KREMEN1: variants seen among roughly 807,000 people sequenced by gnomAD.
KREMEN1 encodes kremen protein 1.
Under a neutral mutation model 46.5 loss-of-function variants are expected in KREMEN1, and 30 were observed. That is an observed-to-expected ratio of 0.65 (90% CI 0.48 to 0.88). The LOEUF is 0.88. Ranked by LOEUF, KREMEN1 falls within the 40% of genes least tolerant of loss-of-function variation. The pLI, the probability that KREMEN1 is intolerant of heterozygous loss-of-function variation, is 0.00. For missense variants in KREMEN1, 533 were observed against 596.9 expected (o/e 0.89, Z 1.11); for synonymous variants, 214 against 230.6 (o/e 0.93, Z 0.65).
chr22:29,094,920 G>A (rs1318657599), intron 2 of KREMEN1, among the ~76,000 whole-genome samples: 1 of 152,056 alleles, frequency 6.6e-6, no homozygotes, highest in East Asian at 1.9e-4. Context: ...CACCGCGCCC[G>A]GCCAATTTAC....
chr22:29,126,133 C>G (rs2038438366), intron 5 of KREMEN1, among the ~76,000 whole-genome samples: 3 of 148,584 alleles, frequency 2.0e-5, no homozygotes, highest in Admixed American at 2.0e-4. Flanking sequence ...AAAAAAGGCT[C>G]GAGATTACCA....
chr22:29,125,317 T>A lies in KREMEN1; in HGVS notation c.532T>A (p.Trp178Arg). 1 of 1,614,180 alleles carries A rather than the reference T, an allele frequency of 6.2e-7. No homozygotes were observed. Among genetic ancestry groups the A allele is most frequent in the African/African-American group, 1.3e-5 (1 of 75,026 alleles). ...ACFCGNNPDY[W>R]KYGEAASTEC... is the part of the protein sequence containing the mutation. ...CTTCTGTGGAAACAATCCTGATTAC[T>A]GGAAGTACGGGGAGGCAGCCAGTAC... Residue 178 changes from tryptophan to arginine, a missense_variant, in exon 5 of 9, where the codon TGG becomes AGG. Physicochemically the swap from Trp to Arg is moderately radical, Grantham distance 101. Transcript: ENST00000400335.
At chr22:29,158,432 C>G (rs35183787) in intron 9 of KREMEN1, among the ~76,000 whole-genome samples, 2,306 of 152,150 alleles carry the variant, frequency 0.015, 37 homozygotes, top group Non-Finnish European at 0.021. Flanking sequence ...AGCGGAGAGG[C>G]GCCGACATGG....
At chr22:29,084,129 G>T (rs546077926) in intron 1 of KREMEN1, among the ~76,000 whole-genome samples, 8 of 150,040 alleles carry the variant, frequency 5.3e-5, no homozygotes, top group Non-Finnish European at 1.5e-5. Context: ...GTGCTTGTAG[G>T]AGTGTCTTTT....
chr22:29,117,385 G>A (rs1042844451), intron 3 of KREMEN1, among the ~76,000 whole-genome samples: 1 of 152,162 alleles, frequency 6.6e-6, no homozygotes, highest in African/African-American at 2.4e-5. Flanking sequence ...GGCTAACATG[G>A]TGAAACCCTG....
intron 3 of KREMEN1, among the ~76,000 whole-genome samples, chr22:29,117,548 C>A (rs889006900): frequency 6.8e-6 from 1 of 146,840 alleles, no homozygotes; most frequent in East Asian, 2.1e-4. Context: ...GCCTGGGCAA[C>A]AGAGCAAGAC....
At chr22:29,126,195 C>T (rs772905201) in intron 5 of KREMEN1, among the ~76,000 whole-genome samples, 4 of 151,546 alleles carry the variant, frequency 2.6e-5, no homozygotes, top group Admixed American at 1.3e-4. Flanking sequence ...AGAGGAGGTG[C>T]GCTACTGGCA....
intron 8 of KREMEN1, among the ~76,000 whole-genome samples, chr22:29,141,160 C>A (rs1475332999): frequency 6.6e-6 from 1 of 152,110 alleles, no homozygotes; most frequent in Non-Finnish European, 1.5e-5. Context: ...CCTTTGGCCA[C>A]ATTGGAACCC....
intron 9 of KREMEN1, among the ~76,000 whole-genome samples, chr22:29,159,585 C>T (rs1273256377): frequency 6.6e-6 from 1 of 152,094 alleles, no homozygotes. Context: ...CGTCACTGCA[C>T]TCCAGCCTGG....
chr22:29,117,444 A>G (rs1038414597), intron 3 of KREMEN1, among the ~76,000 whole-genome samples: 2 of 151,900 alleles, frequency 1.3e-5, no homozygotes, highest in Non-Finnish European at 2.9e-5. Context: ...GCGGGCGCCT[A>G]TAGTCCCAGC....
intron 1 of KREMEN1, among the ~76,000 whole-genome samples, chr22:29,081,887 C>T (rs996254271): frequency 2.6e-5 from 4 of 152,180 alleles, no homozygotes; most frequent in Non-Finnish European, 4.4e-5. Flanking sequence ...ATATGGTCTA[C>T]CTGGTATCAG....
In KREMEN1 at chr22:29,119,384, A is replaced by G. The variant is rs149909815; in HGVS notation, c.353-1973A>G. Among the ~76,000 whole-genome samples the G allele has an allele frequency of 1.7e-3, 253 of 152,300 alleles. 2 individuals carry two copies. Among genetic ancestry groups the G allele is most frequent in the Admixed American group, 0.014 (219 of 15,308 alleles). ...GGAATTTTAACGATGGCTTCATTAC[A>G]TAGGCATGATTGATTATTAACTCAA... On this transcript the variant is annotated intron_variant, in intron 3 of 8. Transcript: ENST00000400335.
rs1298494736 is a variant in KREMEN1 at position 29,090,123 on chromosome 22, A to G, written c.98-4135A>G. 2.6e-5 allele frequency among the ~76,000 whole-genome samples: 4 copies of G among 152,244 alleles called. No individual in the cohort carries two copies. In the East Asian group the frequency reaches 7.7e-4, roughly 29 times the overall value. ...AACAGTGCCAGGCACATAGTATTGA[A>G]TAAATATTTGCTGAACTAATTAATG... is the stretch of plus-strand genomic sequence containing the variant. On this transcript the variant is annotated intron_variant, in intron 1 of 8. Coordinates refer to ENST00000400335, the MANE Select transcript of KREMEN1 (RefSeq NM_001039570.3).
At position 29,144,943 on chromosome 22, in the gene KREMEN1, C is replaced by T; in HGVS notation, c.*2831C>T. ...TCTTCCTGCCTCGCCCTGGCATGGCCCAGCGCCTCTAGGATCAACTTACGA... is the reference window on the plus strand; with the variant it reads ...TCTTCCTGCCTCGCCCTGGCATGGCTCAGCGCCTCTAGGATCAACTTACGA... On this transcript the variant is annotated 3_prime_UTR_variant, in exon 9 of 9. Transcript: ENST00000400335. The T allele has an allele frequency of 1.0e-6, 1 of 985,510 alleles. No homozygotes were observed. The highest frequency in any genetic ancestry group is 4.7e-5 in the South Asian group (1 of 21,292). The allele number at this position is 985,510 out of a possible 1,614,324, so 61.0% of individuals were successfully genotyped here.
At chr22:29,117,287 A>G (rs1459856088) in intron 3 of KREMEN1, among the ~76,000 whole-genome samples, 1 of 152,170 alleles carries the variant, frequency 6.6e-6, no homozygotes, top group Non-Finnish European at 1.5e-5. Flanking sequence ...ATGCTATTGG[A>G]CCGGGCGCAG....
rs2038793733 is a variant in KREMEN1, at chr22:29,143,056, A to G, written c.*944A>G. 3.9e-6 allele frequency: 2 copies of G among 507,852 alleles called. No individual in the cohort carries two copies. Among genetic ancestry groups the G allele is most frequent in the Non-Finnish European group, 5.1e-6 (2 of 393,736 alleles). 31.5% of individuals were successfully genotyped at this position (507,852 alleles called of 1,614,324 possible). ...TCCCAGCTACTCAGAAGGCTGAGAC[A>G]GAAGAACAGCTTGAACCCAGGAGGC... On this transcript the variant is annotated 3_prime_UTR_variant, in exon 9 of 9. Transcript: ENST00000400335.
At chr22:29,158,121 G>A (rs2145872970) in intron 9 of KREMEN1, among the ~76,000 whole-genome samples, 1 of 152,318 alleles carries the variant, frequency 6.6e-6, no homozygotes, top group South Asian at 2.1e-4. Context: ...TGAGATTGTT[G>A]CTCAGCACAT....
chr22:29,098,728 T>C lies in KREMEN1; in HGVS notation c.261-134T>C, dbSNP rs2037924445. 22 of 661,412 alleles carry C rather than the reference T, an allele frequency of 3.3e-5. No homozygotes were observed. In the South Asian group the frequency reaches 3.8e-4, roughly 11 times the overall value. The allele number at this position is 661,412 out of a possible 1,614,324, so 41.0% of individuals were successfully genotyped here. A position where few individuals can be genotyped will look rare whatever the true frequency, so the allele number is the denominator to read the frequency against. On this transcript the variant is annotated intron_variant, in intron 2 of 8. Transcript: ENST00000400335. The stretch of plus-strand genomic sequence containing the variant: ...CCATTTTTTCCCTTTTGATGAGAGA[T>C]GGCACTGAGATACAGACCAACTATT...
At position 29,079,221 on chromosome 22, in the gene KREMEN1, T is replaced by A. The variant is rs134608; in HGVS notation, c.97+5994T>A. ...TCTCTTCTAAGGGAATTCCTTCCCC[T>A]CCTTTTAAATTCTCTTTCTAGGTAA... On this transcript the variant is annotated intron_variant, in intron 1 of 8. Coordinates refer to ENST00000400335, the MANE Select transcript of KREMEN1 (RefSeq NM_001039570.3). 8.5e-3 allele frequency among the ~76,000 whole-genome samples: 1,299 copies of A among 152,172 alleles called. 13 individuals are homozygous for A. The highest frequency in any genetic ancestry group is 0.03 in the African/African-American group (1,241 of 41,524).
Sources: gnomAD v4.1 joint callset for allele counts (sites outside exome capture counted in the v4.1 genomes callset) on GRCh38, gnomAD v4.1.1 for gene constraint, MANE v1.5 for transcripts, NCBI Gene and HGNC (gene_info 2026-07-23, HGNC 2026-07-21) for gene names.